Variants in CACHD1 observed in about 807,000 individuals in gnomAD.
CACHD1 encodes VWFA and cache domain-containing protein 1.
In CACHD1, 71 loss-of-function variants were observed where a neutral mutation model predicts 138.7. The observed-to-expected ratio is 0.51, with a 90% confidence interval of 0.42 to 0.62. The LOEUF (loss-of-function observed/expected upper bound fraction) is 0.62, where lower values mean the gene tolerates loss of function less well. CACHD1 is among the 20% of genes least tolerant of loss of function. The pLI is 0.00. For missense variants in CACHD1, 1,389 were observed against 1,625.3 expected (o/e 0.85, Z 2.50); for synonymous variants, 578 against 591.5 (o/e 0.98, Z 0.33).
chr1:64,530,526 T>C (rs1570337110), intron 1 of CACHD1, among the ~76,000 whole-genome samples: 1 of 152,264 alleles, frequency 6.6e-6, no homozygotes, highest in Non-Finnish European at 1.5e-5. Flanking sequence ...TTTTTTTCTT[T>C]TGTTTTTTGG....
Position 64,664,635 on chromosome 1 carries a change from TG to T in CACHD1, c.2234del (p.Gly745ValfsTer20). The T allele has an allele frequency of 6.2e-7, 1 of 1,614,226 alleles. No individual in the cohort carries two copies. Among genetic ancestry groups the T allele is most frequent in the Non-Finnish European group, 8.5e-7 (1 of 1,180,030 alleles). On this transcript the variant is annotated frameshift_variant, in exon 15 of 27. Transcript: ENST00000651257. LOFTEE classifies it high-confidence loss of function. ...CCAATGGCGTCCTCAGAATTTATCC[TG>T]GTTCCCTCATGGACAAAGCATTTGA... ...TPNGVLRIYPGSLMDKAFDPT... is the reference protein window; with the variant it reads ...TPNGVLRIYPXSLMDKAFDPT...
rs1046767114 is a variant in CACHD1 at position 64,673,557 on chromosome 1, C to A, written c.2727+93C>A. The A allele has an allele frequency of 7.8e-6, 8 of 1,022,872 alleles. No individual in the cohort carries two copies. The African/African-American group carries it at 1.1e-4, about 14-fold the overall frequency. The allele number at this position is 1,022,872 out of a possible 1,614,324, so 63.4% of individuals were successfully genotyped here. ...GGCTAGTGTCTGAATATTATTCCTACCTGTTTCATCGCCTTAGAACTATAG... is the reference window on the plus strand; with the variant it reads ...GGCTAGTGTCTGAATATTATTCCTAACTGTTTCATCGCCTTAGAACTATAG... On this transcript the variant is annotated intron_variant, in intron 19 of 26. Coordinates refer to ENST00000651257, the MANE Select transcript of CACHD1 (RefSeq NM_020925.4).
At chr1:64,526,465 A>C (rs1646539694) in intron 1 of CACHD1, among the ~76,000 whole-genome samples, 1 of 152,308 alleles carries the variant, frequency 6.6e-6, no homozygotes, top group South Asian at 2.1e-4. Flanking sequence ...TTCCCGGAAG[A>C]AAAGGTTCCA....
In CACHD1 at chr1:64,658,798, A is replaced by G. The variant is rs777973662; in HGVS notation, c.1876A>G (p.Lys626Glu). The G allele has an allele frequency of 6.2e-7, 1 of 1,603,138 alleles. No individual in the cohort carries two copies. The highest frequency in any genetic ancestry group is 2.2e-5 in the East Asian group (1 of 44,680). The change falls in exon 13 of 27, where the codon AAG (lysine) becomes GAG (glutamate). Residue 626 changes from lysine (K) to glutamate (E), a missense_variant. By Grantham distance (56) the Lys-to-Glu change is moderately conservative. Around this residue, in one of 5 missense-constraint regions of CACHD1, gnomAD observed 1,000 missense variants for 1,114.7 expected, o/e 0.90. Transcript: ENST00000651257. ...LKNLNTVPSS[K>E]LLYHRLDLLG... is the part of the protein sequence containing the mutation. ...GAACCTCAACACTGTTCCCAGCAGC[A>G]AGCTGCTGTACCACCGGCTGGATCT... is the stretch of plus-strand genomic sequence containing the variant.
intron 8 of CACHD1, among the ~76,000 whole-genome samples, chr1:64,645,038 A>G (rs1648858063): frequency 6.6e-6 from 1 of 152,204 alleles, no homozygotes; most frequent in African/African-American, 2.4e-5. Flanking sequence ...CAGAGTTTGC[A>G]GTGAGCCAAG....
intron 3 of CACHD1, among the ~76,000 whole-genome samples, chr1:64,594,839 T>C (rs1315630476): frequency 6.6e-6 from 1 of 152,250 alleles, no homozygotes; most frequent in African/African-American, 2.4e-5. Context: ...TGTGCATTTT[T>C]ATTGTGAAAA....
chr1:64,588,532 C>T (rs1647071145), intron 3 of CACHD1, among the ~76,000 whole-genome samples: 1 of 151,946 alleles, frequency 6.6e-6, no homozygotes, highest in Non-Finnish European at 1.5e-5. Flanking sequence ...AGGTGCGCCA[C>T]CACGCCCAGC....
intron 26 of CACHD1, among the ~76,000 whole-genome samples, chr1:64,684,449 C>T (rs1229798186): frequency 8.2e-6 from 1 of 121,476 alleles, no homozygotes; most frequent in Non-Finnish European, 1.6e-5. Context: ...AATTTTTAAA[C>T]TAGAAAAAAG....
In CACHD1 at chr1:64,470,395, C is replaced by T. The variant is rs1487005519; in HGVS notation, c.-350C>T. ...TCGGCTCGGGCTCCGACTCCGACTC[C>T]GATTCCGACTGTCAGCCCCGGGGCC... On this transcript the variant is annotated 5_prime_UTR_variant, in exon 1 of 27. Coordinates refer to ENST00000651257, the MANE Select transcript of CACHD1 (RefSeq NM_020925.4). This position sits in a 1 kb window ranked among gnomAD's most constrained non-coding sequence, Gnocchi z 5.2. Among the ~76,000 whole-genome samples the T allele has an allele frequency of 1.3e-5, 2 of 151,614 alleles. No homozygotes were observed. The highest frequency in any genetic ancestry group is 2.9e-5 in the Non-Finnish European group (2 of 67,848).
In CACHD1 at chr1:64,634,052, G is replaced by A. The variant is rs1273819150; in HGVS notation, c.798G>A (p.Val266=). Residue 266 remains valine (V), a synonymous_variant, in exon 7 of 27, where the codon GTG becomes GTA. Transcript: ENST00000651257. The stretch of plus-strand genomic sequence containing the variant: ...TTTTTTCTTTCCTGCAGATTTCTGT[G>A]TTAACTGTGGCAGATACCGTCCGGA... ...SAIDEHDKIS[V]LTVADTVRTC... 1 of 1,568,698 alleles carries A rather than the reference G, an allele frequency of 6.4e-7. No individual in the cohort carries two copies. Among genetic ancestry groups the A allele is most frequent in the East Asian group, 2.3e-5 (1 of 43,484 alleles).
At chr1:64,517,434 G>C (rs572045487) in intron 1 of CACHD1, among the ~76,000 whole-genome samples, 6 of 152,338 alleles carry the variant, frequency 3.9e-5, no homozygotes, top group African/African-American at 1.2e-4. Flanking sequence ...AATTAAGTGA[G>C]TGTGGGACAG....
At chr1:64,607,723 A>G (rs1647385384) in intron 4 of CACHD1, among the ~76,000 whole-genome samples, 2 of 152,190 alleles carry the variant, frequency 1.3e-5, no homozygotes, top group Admixed American at 1.3e-4. Flanking sequence ...CATAGCAAGA[A>G]GAGGAAAGGA....
At chr1:64,475,831 C>G (rs2100260578) in intron 1 of CACHD1, among the ~76,000 whole-genome samples, 1 of 152,278 alleles carries the variant, frequency 6.6e-6, no homozygotes, top group East Asian at 1.9e-4. Context: ...ATTAAACTGG[C>G]AATCACAGGT....
chr1:64,597,356 C>T (rs952956240), intron 3 of CACHD1, among the ~76,000 whole-genome samples: 1 of 151,996 alleles, frequency 6.6e-6, no homozygotes, highest in Non-Finnish European at 1.5e-5. Flanking sequence ...GCAGTTTGCA[C>T]ATCAGAGCAA....
intron 1 of CACHD1, among the ~76,000 whole-genome samples, chr1:64,532,488 G>A (rs959488688): frequency 3.3e-5 from 5 of 152,162 alleles, no homozygotes; most frequent in Admixed American, 3.3e-4. Context: ...TAGGCTGGGA[G>A]CAAGCCCATC....
intron 1 of CACHD1, among the ~76,000 whole-genome samples, chr1:64,537,264 GAA>G (rs35844892): frequency 0.77 from 115,696 of 150,954 alleles, 45,770 homozygotes; most frequent in Non-Finnish European, 0.86. Context: ...GCCCTGCCCA[GAA>G]AAAAAAAAAA....
intron 1 of CACHD1, among the ~76,000 whole-genome samples, chr1:64,488,945 T>G (rs1329285760): frequency 6.6e-6 from 1 of 152,126 alleles, no homozygotes; most frequent in Non-Finnish European, 1.5e-5. Flanking sequence ...AACATTCTAC[T>G]GGGGGATTAG....
intron 1 of CACHD1, among the ~76,000 whole-genome samples, chr1:64,477,977 C>T (rs1252358172): frequency 6.6e-6 from 1 of 152,142 alleles, no homozygotes; most frequent in Non-Finnish European, 1.5e-5. Flanking sequence ...CACATAATTT[C>T]ATCTATGACA....
chr1:64,534,917 C>T (rs182700513), intron 1 of CACHD1, among the ~76,000 whole-genome samples: 1 of 152,366 alleles, frequency 6.6e-6, no homozygotes, highest in East Asian at 1.9e-4. Flanking sequence ...TGCAGTTTCA[C>T]TCTGCTGCAT....
Sources: gnomAD v4.1 joint callset for allele counts (sites outside exome capture counted in the v4.1 genomes callset) on GRCh38, gnomAD v4.1.1 for gene constraint, gnomAD v4.1.1 regional missense constraint, Gnocchi (gnomAD v3.1) non-coding constraint, MANE v1.5 for transcripts, NCBI Gene and HGNC (gene_info 2026-07-23, HGNC 2026-07-21) for gene names.